LHPP: variants seen among roughly 807,000 people sequenced by gnomAD.
The protein encoded by LHPP is hLHPP.
A neutral mutation model predicts 30.3 loss-of-function variants in LHPP; 24 were observed. The observed-to-expected ratio is 0.79, with a 90% CI of 0.57 to 1.11. The LOEUF is 1.11. Among genes scored for constraint, LHPP ranks in the 50% most tolerant of loss-of-function variants. The probability of loss-of-function intolerance (pLI) is 0.00; values close to 1 mark genes in which losing one functional copy is unlikely to be tolerated. For synonymous variants in LHPP, 150 were observed against 157.1 expected (o/e 0.95, Z 0.34); for missense variants, 356 against 367.2 (o/e 0.97, Z 0.25).
At chr10:124,594,329 C>CAAAAAAAAAA in intron 6 of LHPP, among the ~76,000 whole-genome samples, 1 of 75,342 alleles carries the variant, frequency 1.3e-5, no homozygotes, top group Non-Finnish European at 2.2e-5. Context: ...GACTCCATCT[C>CAAAAAAAAAA]AAAAAAAAAA....
At chr10:124,570,631 C>G (rs1948569593) in intron 6 of LHPP, among the ~76,000 whole-genome samples, 1 of 152,162 alleles carries the variant, frequency 6.6e-6, no homozygotes, top group Non-Finnish European at 1.5e-5. Flanking sequence ...TCCCACTCCC[C>G]ACACCCCCAG....
At chr10:124,570,964 T>C (rs1321066882) in intron 6 of LHPP, among the ~76,000 whole-genome samples, 1 of 152,224 alleles carries the variant, frequency 6.6e-6, no homozygotes, top group Admixed American at 6.5e-5. Context: ...GGTAATTGAA[T>C]CACGGGGGCA....
At chr10:124,547,327 C>T (rs570976161) in intron 6 of LHPP, among the ~76,000 whole-genome samples, 17 of 152,192 alleles carry the variant, frequency 1.1e-4, no homozygotes, top group Non-Finnish European at 2.1e-4. Context: ...CTTTCTTAAA[C>T]TTATTTTCAT....
chr10:124,468,491 C>T (rs1484194206), intron 1 of LHPP, among the ~76,000 whole-genome samples: 1 of 152,196 alleles, frequency 6.6e-6, no homozygotes, highest in East Asian at 1.9e-4. Context: ...TGTGGGCCTG[C>T]AGAACCGATG....
chr10:124,461,977 G>A lies in LHPP; in HGVS notation c.115G>A (p.Ala39Thr), dbSNP rs1952411585. 2 of 1,218,446 alleles carry A rather than the reference G, an allele frequency of 1.6e-6. No individual in the cohort carries two copies. The highest frequency in any genetic ancestry group is 2.0e-6 in the Non-Finnish European group (2 of 976,530). 75.5% of individuals were successfully genotyped at this position (1,218,446 alleles called of 1,614,324 possible). Residue 39 changes from alanine (A) to threonine (T), a missense_variant, in exon 1 of 7, where the codon GCG becomes ACG. Physicochemically the swap from Ala to Thr is moderately conservative, Grantham distance 58. Coordinates refer to ENST00000368842, the MANE Select transcript of LHPP (RefSeq NM_022126.4). ...CACGGCCATCGCCGGCTCGGTGGAGGCGGTGGCCAGGTGAGTGGGCCCCGG... is the reference window on the plus strand; with the variant it reads ...CACGGCCATCGCCGGCTCGGTGGAGACGGTGGCCAGGTGAGTGGGCCCCGG... ...GGTAIAGSVE[A>T]VARLKRSRLK...
intron 1 of LHPP, among the ~76,000 whole-genome samples, chr10:124,465,118 A>G (rs1952519903): frequency 6.6e-6 from 1 of 152,124 alleles, no homozygotes; most frequent in Admixed American, 6.5e-5. Context: ...CCTGTGCTAG[A>G]GAGGGGGTCG....
At chr10:124,582,122 C>A (rs899992923) in intron 6 of LHPP, among the ~76,000 whole-genome samples, 5 of 152,112 alleles carry the variant, frequency 3.3e-5, no homozygotes, top group Non-Finnish European at 5.9e-5. Context: ...TCTCTGTCAC[C>A]TAGGCTGGAG....
chr10:124,521,206 G>C (rs1365858982), intron 6 of LHPP, among the ~76,000 whole-genome samples: 1 of 152,242 alleles, frequency 6.6e-6, no homozygotes, highest in East Asian at 1.9e-4. Context: ...TGCTCCCTAT[G>C]GATGTGTGGC....
chr10:124,475,241 G>A (rs917372267), intron 1 of LHPP, among the ~76,000 whole-genome samples: 1 of 151,588 alleles, frequency 6.6e-6, no homozygotes, highest in East Asian at 2.0e-4. Context: ...CGCCATGTTG[G>A]CCAGGCTGGT....
intron 1 of LHPP, among the ~76,000 whole-genome samples, chr10:124,472,634 C>T (rs1029273946): frequency 2.0e-5 from 3 of 151,782 alleles, no homozygotes; most frequent in South Asian, 4.1e-4. Context: ...TCTCAGCTCA[C>T]TGCAACCTTG....
In LHPP at chr10:124,614,093, T is replaced by C. The variant is rs1317466716; in HGVS notation, c.*733T>C. The C allele has an allele frequency of 6.6e-6, 1 of 152,544 alleles. No individual in the cohort carries two copies. The highest frequency in any genetic ancestry group is 1.5e-5 in the Non-Finnish European group (1 of 68,306). 9.4% of individuals were successfully genotyped at this position (152,544 alleles called of 1,614,324 possible). Reference sequence around the variant, plus strand: ...ACAGACTTGAAGGTGTCATGCCCGGTGTGTGCAGGAGGAAACTAACAGTTC... The same window carrying C: ...ACAGACTTGAAGGTGTCATGCCCGGCGTGTGCAGGAGGAAACTAACAGTTC... On this transcript the variant is annotated 3_prime_UTR_variant, in exon 7 of 7. Transcript: ENST00000368842.
Position 124,500,722 on chromosome 10 carries a change from T to A in LHPP, c.624+2594T>A, listed in dbSNP as rs73365841. Among the ~76,000 whole-genome samples the A allele has an allele frequency of 3.5e-3, 509 of 146,656 alleles. 10 individuals are homozygous for A. The highest frequency in any genetic ancestry group is 0.013 in the African/African-American group (495 of 37,672). On this transcript the variant is annotated intron_variant, in intron 5 of 6. Coordinates refer to ENST00000368842, the MANE Select transcript of LHPP (RefSeq NM_022126.4). ...ATACCACTTCACACTAAGATGACTG[T>A]ATAGTTAAAAAAAAAAATAGAAAAT...
At chr10:124,498,245 T>TG (rs1338291780) in intron 5 of LHPP, 117 bp downstream of exon 5, 15 of 1,508,954 alleles carry the variant, frequency 9.9e-6, no homozygotes, top group Non-Finnish European at 1.4e-5. Flanking sequence ...CAGCCAAGCG[T>TG]GGGCTCCCTG....
At chr10:124,562,305 T>TCAAG (rs1948408579) in intron 6 of LHPP, among the ~76,000 whole-genome samples, 1 of 150,058 alleles carries the variant, frequency 6.7e-6, no homozygotes, top group African/African-American at 2.5e-5. Flanking sequence ...AGACCCTGTC[T>TCAAG]CAAACAAACA....
rs1955173530 is a variant in LHPP, at chr10:124,541,093, G to C, written c.716+23822G>C. Among the ~76,000 whole-genome samples the C allele has an allele frequency of 2.6e-5, 4 of 152,126 alleles. No individual in the cohort carries two copies. In the South Asian group the frequency reaches 8.3e-4, roughly 32 times the overall value. On this transcript the variant is annotated intron_variant, in intron 6 of 6. Transcript: ENST00000368842. The surrounding 1 kb of genome is among the most constrained non-coding windows in gnomAD (Gnocchi z 4.2). ...CCCCCCAAATCACAAAGTGGCCCTG[G>C]GCCCTGGGATGGCCGGAGGAGAGCC...
chr10:124,527,088 C>T (rs1421098527), intron 6 of LHPP, among the ~76,000 whole-genome samples: 1 of 152,234 alleles, frequency 6.6e-6, no homozygotes, highest in Non-Finnish European at 1.5e-5. Flanking sequence ...GACCTGGAGT[C>T]TCACCTGAGC....
rs1220151143 is a variant in LHPP, at chr10:124,478,643, G to A, written c.126-5496G>A. Among the ~76,000 whole-genome samples the A allele has an allele frequency of 6.6e-6, 1 of 152,232 alleles. No individual in the cohort carries two copies. The highest frequency in any genetic ancestry group is 1.5e-5 in the Non-Finnish European group (1 of 68,046). Reference sequence around the variant, plus strand: ...TGCCAACAGCCAGCAGATGTGGAGAGTCCGAGGTGATTTGTAAGGGCCGGT... The same window carrying A: ...TGCCAACAGCCAGCAGATGTGGAGAATCCGAGGTGATTTGTAAGGGCCGGT... On this transcript the variant is annotated intron_variant, in intron 1 of 6. Transcript: ENST00000368842. The surrounding 1 kb of genome is among the most constrained non-coding windows in gnomAD (Gnocchi z 4.7).
In LHPP at chr10:124,525,360, G is replaced by A. The variant is rs1954707222; in HGVS notation, c.716+8089G>A. ...GGATCTGCTGATAGATGGCAGTGCT[G>A]GGTCATGGAGGAGCATATGTTCAAC... On this transcript the variant is annotated intron_variant, in intron 6 of 6. Transcript: ENST00000368842. Among the ~76,000 whole-genome samples, 5 of 152,220 alleles carry A rather than the reference G, an allele frequency of 3.3e-5. No individual in the cohort carries two copies. The South Asian group carries it at 6.2e-4, about 19-fold the overall frequency.
At chr10:124,608,726 C>T (rs746698518) in intron 6 of LHPP, among the ~76,000 whole-genome samples, 6 of 152,248 alleles carry the variant, frequency 3.9e-5, no homozygotes, top group Non-Finnish European at 7.3e-5. Context: ...CCCAGCTTGC[C>T]GTGTCCTCGG....
Sources: gnomAD v4.1 joint callset for allele counts (sites outside exome capture counted in the v4.1 genomes callset) on GRCh38, gnomAD v4.1.1 for gene constraint, Gnocchi (gnomAD v3.1) non-coding constraint, MANE v1.5 for transcripts, NCBI Gene and HGNC (gene_info 2026-07-23, HGNC 2026-07-21) for gene names.